The following DYNLT5 variants were observed in gnomAD, a reference collection of about 807,000 sequenced individuals.
The protein encoded by DYNLT5 is dynein light chain Tctex-type family member 5.
In DYNLT5, 25 loss-of-function variants were observed where a neutral mutation model predicts 19.3. That is an observed-to-expected ratio of 1.30 (90% confidence interval 0.95 to 1.81). The LOEUF is 1.81. DYNLT5 is among the 40% of genes most tolerant of loss of function. DYNLT5 has a pLI of 0.00. For missense variants in DYNLT5, 232 were observed against 217.9 expected, an observed-to-expected ratio of 1.06 and a Z score of -0.41; for synonymous variants, 82 against 68.9, an observed-to-expected ratio of 1.19 and a Z score of -0.94.
intron 1 of DYNLT5, 59 bp downstream of exon 1, chr1:66,752,643 G>C: frequency 1.0e-6 from 1 of 962,884 alleles, no homozygotes; most frequent in Non-Finnish European, 1.2e-6. Flanking sequence ...GGGGGCAAGG[G>C]ATCGGCCCTT....
chr1:66,772,116 G>C (rs1645207681), intron 3 of DYNLT5, among the ~76,000 whole-genome samples: 1 of 152,084 alleles, frequency 6.6e-6, no homozygotes, highest in Non-Finnish European at 1.5e-5. Context: ...CATATGAAAG[G>C]TATTTTGTGA....
chr1:66,769,124 C>T (rs950841021), intron 2 of DYNLT5, among the ~76,000 whole-genome samples: 1 of 152,182 alleles, frequency 6.6e-6, no homozygotes. Context: ...TTGCCCACAA[C>T]ACCTGCAGCC....
intron 3 of DYNLT5, among the ~76,000 whole-genome samples, chr1:66,773,481 C>T (rs1645215866): frequency 6.6e-6 from 1 of 152,202 alleles, no homozygotes; most frequent in African/African-American, 2.4e-5. Flanking sequence ...CTTACGTCCT[C>T]TTTCATCTTG....
intron 2 of DYNLT5, among the ~76,000 whole-genome samples, chr1:66,759,760 A>G (rs1000342801): frequency 2.0e-5 from 3 of 152,238 alleles, no homozygotes; most frequent in Non-Finnish European, 4.4e-5. Context: ...GTAAAACCTG[A>G]TATCGCCATT....
intron 4 of DYNLT5, 59 bp downstream of exon 4, chr1:66,776,462 C>T (rs1212044333): frequency 1.8e-5 from 27 of 1,527,364 alleles, no homozygotes; most frequent in Middle Eastern, 1.8e-4. Flanking sequence ...TAAAGTACAA[C>T]GGACCCTCTA....
At chr1:66,765,731 G>A (rs1428782203) in intron 2 of DYNLT5, among the ~76,000 whole-genome samples, 1 of 151,612 alleles carries the variant, frequency 6.6e-6, no homozygotes, top group Non-Finnish European at 1.5e-5. Context: ...CGCCTCCCAG[G>A]TTCAAGCAAT....
chr1:66,764,591 C>T (rs942521113), intron 2 of DYNLT5, among the ~76,000 whole-genome samples: 2 of 152,172 alleles, frequency 1.3e-5, no homozygotes, highest in African/African-American at 4.8e-5. Flanking sequence ...CACTGATCAT[C>T]GCTCTCCATA....
At chr1:66,774,086 G>T (rs910761615) in intron 3 of DYNLT5, among the ~76,000 whole-genome samples, 1 of 151,898 alleles carries the variant, frequency 6.6e-6, no homozygotes, top group African/African-American at 2.4e-5. Flanking sequence ...TGGTAGCACT[G>T]TACAACGGGA....
chr1:66,753,414 T>C (rs919142764), intron 1 of DYNLT5, among the ~76,000 whole-genome samples: 2 of 152,232 alleles, frequency 1.3e-5, no homozygotes, highest in African/African-American at 2.4e-5. Context: ...ATTAGAGTTA[T>C]AGTCCAAGTT....
At chr1:66,759,280 T>G (rs2094641664) in intron 2 of DYNLT5, among the ~76,000 whole-genome samples, 1 of 152,140 alleles carries the variant, frequency 6.6e-6, no homozygotes. Flanking sequence ...AAACTCCAGA[T>G]GGAAGACCAA....
chr1:66,769,786 C>A (rs1395225136), intron 2 of DYNLT5, among the ~76,000 whole-genome samples: 3 of 152,050 alleles, frequency 2.0e-5, no homozygotes, highest in African/African-American at 7.3e-5. Flanking sequence ...GAAACCAAAA[C>A]CCTTTTTCGA....
chr1:66,773,970 AAAGAAGT>A (rs1645220415), intron 3 of DYNLT5, among the ~76,000 whole-genome samples: 1 of 152,210 alleles, frequency 6.6e-6, no homozygotes, highest in African/African-American at 2.4e-5. Context: ...GAAAGGTAAC[AAAGAAGT>A]AAGAAAAGAA....
chr1:66,754,523 T>C, intron 1 of DYNLT5, 133 bp from the exon 2 acceptor site: 2 of 863,120 alleles, frequency 2.3e-6, no homozygotes, highest in Non-Finnish European at 3.2e-6. Flanking sequence ...TATATTGCTC[T>C]TGAGGAAACC....
At chr1:66,753,280 G>T (rs1458437880) in intron 1 of DYNLT5, among the ~76,000 whole-genome samples, 1 of 152,162 alleles carries the variant, frequency 6.6e-6, no homozygotes, top group Non-Finnish European at 1.5e-5. Flanking sequence ...TGAAGGCATG[G>T]ATTCTCTTCT....
rs1157947330 is a variant in DYNLT5 at position 66,778,813 on chromosome 1, T to G, written c.*1359T>G. The stretch of plus-strand genomic sequence containing the variant: ...AATTTGTCAATTTTCACTTTTTTTT[T>G]TCTGTTAGTGCATTAGTGGGAATAT... On this transcript the variant is annotated 3_prime_UTR_variant, in exon 5 of 5. Transcript: ENST00000282670. 6.6e-6 allele frequency: 1 copy of G among 152,220 alleles called. No individual in the cohort carries two copies. The highest frequency in any genetic ancestry group is 1.9e-4 in the East Asian group (1 of 5,200). The allele number at this position is 152,220 out of a possible 1,614,324, so 9.4% of individuals were successfully genotyped here. A position where few individuals can be genotyped will look rare whatever the true frequency, so the allele number is the denominator to read the frequency against.
At position 66,775,960 on chromosome 1, in the gene DYNLT5, G is replaced by C. The variant is rs138534374; in HGVS notation, c.212-319G>C. Among the ~76,000 whole-genome samples the C allele has an allele frequency of 7.7e-3, 1,170 of 152,200 alleles. 21 individuals are homozygous for C. The highest frequency in any genetic ancestry group is 0.026 in the African/African-American group (1,081 of 41,550). On this transcript the variant is annotated intron_variant, in intron 3 of 4. Coordinates refer to ENST00000282670, the MANE Select transcript of DYNLT5 (RefSeq NM_152665.3). The stretch of plus-strand genomic sequence containing the variant: ...TGGAGCGGGAGATATAAGAGGTAGA[G>C]AGCCAGTTATAAAGTTGTTGAGACT...
intron 1 of DYNLT5, 92 bp downstream of exon 1, chr1:66,752,676 GC>G: frequency 1.2e-6 from 1 of 801,184 alleles, no homozygotes; most frequent in South Asian, 5.7e-5. Flanking sequence ...GCCCTACTTG[GC>G]CCCGATCTCT....
chr1:66,753,497 T>C (rs1323892970), intron 1 of DYNLT5, among the ~76,000 whole-genome samples: 1 of 152,240 alleles, frequency 6.6e-6, no homozygotes, highest in Non-Finnish European at 1.5e-5. Context: ...CAATAAATTA[T>C]TTATTTAAAA....
intron 4 of DYNLT5, among the ~76,000 whole-genome samples, chr1:66,776,612 A>G (rs1456075010): frequency 2.6e-5 from 4 of 151,930 alleles, no homozygotes; most frequent in African/African-American, 7.3e-5. Context: ...AACAATCATG[A>G]GCATCATTTG....
Sources: gnomAD v4.1 joint callset for allele counts (sites outside exome capture counted in the v4.1 genomes callset) on GRCh38, gnomAD v4.1.1 for gene constraint, MANE v1.5 for transcripts, NCBI Gene and HGNC (gene_info 2026-07-23, HGNC 2026-07-21) for gene names.